The following PTPN20 variants were observed in gnomAD, a reference collection of about 807,000 sequenced individuals.
PTPN20 encodes the protein protein tyrosine phosphatase non-receptor type 20.
PTPN20 carries 9 observed loss-of-function variants against 35.0 expected under a neutral mutation model. The ratio of observed to expected loss-of-function variants is 0.26; its 90% CI spans 0.15 to 0.45. The LOEUF (loss-of-function observed/expected upper bound fraction) is 0.45, where lower values mean the gene tolerates loss of function less well. Ranked by LOEUF, PTPN20 falls within the 20% of genes least tolerant of loss-of-function variation. The pLI is 1.00. For missense variants in PTPN20, 111 were observed against 312.5 expected, an observed-to-expected ratio of 0.36 and a Z score of 4.86; for synonymous variants, 32 against 100.2, an observed-to-expected ratio of 0.32 and a Z score of 4.06.
intron 9 of PTPN20, among the ~76,000 whole-genome samples, chr10:46,991,895 T>C (rs2058034878): frequency 6.6e-6 from 1 of 152,162 alleles, no homozygotes; most frequent in African/African-American, 2.4e-5. Context: ...CTGTTAACTA[T>C]ATGTCTTGAG....
At chr10:46,937,406 G>T (rs2133679451) in intron 2 of PTPN20, among the ~76,000 whole-genome samples, 1 of 152,204 alleles carries the variant, frequency 6.6e-6, no homozygotes, top group East Asian at 1.9e-4. Flanking sequence ...TGGTCTGTTG[G>T]TTTATAGTTT....
At chr10:46,937,986 G>T (rs1589362372) in intron 2 of PTPN20, among the ~76,000 whole-genome samples, 1 of 134,940 alleles carries the variant, frequency 7.4e-6, no homozygotes, top group African/African-American at 2.9e-5. Context: ...GTCTCACTCT[G>T]TCTCATAGGC....
intron 9 of PTPN20, among the ~76,000 whole-genome samples, chr10:46,995,680 C>T (rs969898721): frequency 4.6e-5 from 7 of 152,208 alleles, no homozygotes; most frequent in African/African-American, 7.2e-5. Flanking sequence ...TTTCTTTCTT[C>T]AGGCACATGT....
At chr10:46,925,156 A>G (rs2036780500) in intron 1 of PTPN20, among the ~76,000 whole-genome samples, 1 of 151,060 alleles carries the variant, frequency 6.6e-6, no homozygotes, top group African/African-American at 2.5e-5. Flanking sequence ...TCTCCGAACC[A>G]TCCTAATCAC....
chr10:46,945,755 G>A (rs1468607171), intron 4 of PTPN20, among the ~76,000 whole-genome samples: 3 of 150,390 alleles, frequency 2.0e-5, no homozygotes, highest in Non-Finnish European at 2.9e-5. Context: ...GTATGGAGAC[G>A]TTGCAAAGGA....
intron 2 of PTPN20, among the ~76,000 whole-genome samples, chr10:46,937,302 G>T: frequency 6.8e-6 from 1 of 147,038 alleles, no homozygotes; most frequent in Non-Finnish European, 1.5e-5. Context: ...TGTTTTCTCT[G>T]GCATTTTTTC....
intron 7 of PTPN20, among the ~76,000 whole-genome samples, chr10:46,983,049 A>G (rs1589838069): frequency 7.1e-6 from 1 of 139,898 alleles, no homozygotes; most frequent in African/African-American, 2.6e-5. Flanking sequence ...AATACCGGGT[A>G]TCTTTATATA....
At chr10:46,999,172 A>T (rs1413172819) in intron 9 of PTPN20, among the ~76,000 whole-genome samples, 2 of 152,126 alleles carry the variant, frequency 1.3e-5, no homozygotes, top group African/African-American at 4.8e-5. Context: ...AAATAAAGGA[A>T]TGCTTATTGT....
At chr10:46,988,844 G>A (rs1285829115) in intron 9 of PTPN20, among the ~76,000 whole-genome samples, 1 of 151,218 alleles carries the variant, frequency 6.6e-6, no homozygotes, top group Non-Finnish European at 1.5e-5. Context: ...TTTATCCTAG[G>A]TGTTTTTTTT....
intron 9 of PTPN20, among the ~76,000 whole-genome samples, chr10:46,988,936 T>C (rs1474795746): frequency 6.8e-6 from 1 of 147,332 alleles, no homozygotes; most frequent in Non-Finnish European, 1.5e-5. Context: ...ATATCACTGA[T>C]TTTTGTATGT....
chr10:46,951,155 C>T (rs1356765991), intron 5 of PTPN20, among the ~76,000 whole-genome samples: 5 of 151,984 alleles, frequency 3.3e-5, no homozygotes, highest in South Asian at 4.1e-4. Context: ...CCACCATGCC[C>T]GGCTAATTTT....
intron 9 of PTPN20, among the ~76,000 whole-genome samples, chr10:46,993,020 T>C (rs1430174774): frequency 6.6e-6 from 1 of 152,216 alleles, no homozygotes; most frequent in Non-Finnish European, 1.5e-5. Flanking sequence ...TTAATACTTG[T>C]GGCTAGATTC....
intron 9 of PTPN20, among the ~76,000 whole-genome samples, chr10:46,999,216 A>T (rs2059679170): frequency 1.3e-5 from 2 of 152,222 alleles, no homozygotes; most frequent in African/African-American, 4.8e-5. Context: ...GTTACAGTTG[A>T]CAACATTTAC....
chr10:46,925,495 TTGC>T (rs1183970748), intron 1 of PTPN20, among the ~76,000 whole-genome samples: 72 of 147,144 alleles, frequency 4.9e-4, no homozygotes, highest in Middle Eastern at 3.5e-3. Flanking sequence ...TGAGGAGAAC[TTGC>T]TGCTGCTGCT....
chr10:46,947,299 A>G lies in PTPN20; in HGVS notation c.340+624A>G, dbSNP rs1216517218. ...CACACCTCAAAAACCTTGGAGTTGG[A>G]GAGGATCTTAGAGGTCATCCATAAC... On this transcript the variant is annotated intron_variant, in intron 5 of 10. Transcript: ENST00000374339. Among the ~76,000 whole-genome samples the G allele has an allele frequency of 2.7e-5, 4 of 148,716 alleles. No homozygotes were observed. In the East Asian group the frequency reaches 8.1e-4, roughly 30 times the overall value.
intron 1 of PTPN20, among the ~76,000 whole-genome samples, chr10:46,927,940 G>A (rs1237195857): frequency 2.0e-5 from 3 of 151,728 alleles, no homozygotes. Flanking sequence ...GGAGGTTGGA[G>A]GGAATATGCC....
intron 2 of PTPN20, among the ~76,000 whole-genome samples, chr10:46,939,662 CTCAT>C (rs1555131878): frequency 6.6e-6 from 1 of 151,570 alleles, no homozygotes; most frequent in Non-Finnish European, 1.5e-5. Context: ...GAATACAAAA[CTCAT>C]TTATATCAGC....
chr10:46,949,077 A>C (rs2045874562), intron 5 of PTPN20, among the ~76,000 whole-genome samples: 1 of 151,592 alleles, frequency 6.6e-6, no homozygotes, highest in Non-Finnish European at 1.5e-5. Flanking sequence ...CAAAGCAGGG[A>C]TTGCTGCTCC....
chr10:46,996,432 G>T (rs954956440), intron 9 of PTPN20, among the ~76,000 whole-genome samples: 2 of 152,160 alleles, frequency 1.3e-5, no homozygotes, highest in Admixed American at 1.3e-4. Flanking sequence ...TCCATAATTT[G>T]CCTAATCTTA....
Sources: gnomAD v4.1 joint callset for allele counts (sites outside exome capture counted in the v4.1 genomes callset) on GRCh38, gnomAD v4.1.1 for gene constraint, MANE v1.5 for transcripts, NCBI Gene and HGNC (gene_info 2026-07-23, HGNC 2026-07-21) for gene names.